Variants in HMBOX1 observed in about 807,000 individuals in gnomAD.
HMBOX1 encodes homeobox containing 1.
HMBOX1 carries 14 observed loss-of-function variants against 54.5 expected under a neutral mutation model. The observed-to-expected ratio is 0.26, with a 90% CI of 0.17 to 0.40. The LOEUF is 0.40. Ranked by LOEUF, HMBOX1 falls within the 10% of genes least tolerant of loss-of-function variation. The pLI is 1.00. For synonymous variants in HMBOX1, 160 were observed against 181.0 expected, an observed-to-expected ratio of 0.88 and a Z score of 0.93; for missense variants, 332 against 514.4, an observed-to-expected ratio of 0.65 and a Z score of 3.43.
At chr8:28,911,408 C>T (rs1286092750) in intron 1 of HMBOX1, among the ~76,000 whole-genome samples, 1 of 152,150 alleles carries the variant, frequency 6.6e-6, no homozygotes. Context: ...TAGGCTGGAG[C>T]GCAGTGGCGC....
chr8:29,039,774 A>C (rs958380191), intron 6 of HMBOX1, among the ~76,000 whole-genome samples: 1 of 152,142 alleles, frequency 6.6e-6, no homozygotes, highest in Non-Finnish European at 1.5e-5. Context: ...AGTTTACATT[A>C]AATTCAGATA....
intron 6 of HMBOX1, among the ~76,000 whole-genome samples, chr8:29,040,200 C>T (rs776320037): frequency 1.9e-4 from 29 of 152,068 alleles, no homozygotes; most frequent in Non-Finnish European, 3.4e-4. Context: ...TATGTTTTGG[C>T]TCCTTTTATT....
intron 1 of HMBOX1, among the ~76,000 whole-genome samples, chr8:28,909,967 C>G (rs1815094808): frequency 6.6e-6 from 1 of 151,886 alleles, no homozygotes; most frequent in South Asian, 2.1e-4. Flanking sequence ...TCAGGTGATT[C>G]TCCTGCCTCA....
At chr8:28,992,414 TC>T (rs1831107963) in intron 4 of HMBOX1, among the ~76,000 whole-genome samples, 1 of 152,336 alleles carries the variant, frequency 6.6e-6, no homozygotes, top group East Asian at 1.9e-4. Context: ...TTCATGTCTC[TC>T]CAGATTGACT....
chr8:28,962,605 C>G (rs1825792936), intron 1 of HMBOX1, among the ~76,000 whole-genome samples: 1 of 152,130 alleles, frequency 6.6e-6, no homozygotes. Flanking sequence ...CTAAATAAAT[C>G]TCATAATTTC....
At chr8:28,935,222 A>C (rs1464692681) in intron 1 of HMBOX1, among the ~76,000 whole-genome samples, 1 of 152,200 alleles carries the variant, frequency 6.6e-6, no homozygotes, top group Non-Finnish European at 1.5e-5. Context: ...GTTGAACCCG[A>C]TCTCAATCAA....
At chr8:29,048,818 G>A in intron 8 of HMBOX1, 136 bp from the exon 9 acceptor site, 1 of 669,404 alleles carries the variant, frequency 1.5e-6, no homozygotes, top group Non-Finnish European at 2.6e-6. Context: ...CAGTCTAAAA[G>A]AAACAAATGT....
chr8:28,981,308 G>A (rs993468506), intron 4 of HMBOX1, among the ~76,000 whole-genome samples: 2 of 152,232 alleles, frequency 1.3e-5, no homozygotes, highest in Admixed American at 6.5e-5. Context: ...GTGTCCTTCG[G>A]TGTAGAAGTC....
chr8:28,928,146 G>C (rs906584760), intron 1 of HMBOX1, among the ~76,000 whole-genome samples: 11 of 150,632 alleles, frequency 7.3e-5, no homozygotes, highest in African/African-American at 2.7e-4. Context: ...AAAAAAAAAA[G>C]AACTACTACT....
At chr8:28,899,686 T>A (rs1053084921) in intron 1 of HMBOX1, among the ~76,000 whole-genome samples, 3 of 152,224 alleles carry the variant, frequency 2.0e-5, no homozygotes, top group African/African-American at 7.2e-5. Flanking sequence ...AGCTTTTTAT[T>A]CCTATGTCAG....
At chr8:28,981,071 A>C (rs1038602711) in intron 4 of HMBOX1, among the ~76,000 whole-genome samples, 2 of 152,166 alleles carry the variant, frequency 1.3e-5, no homozygotes, top group African/African-American at 4.8e-5. Context: ...TAAAGATATT[A>C]TTTCTGTTCT....
chr8:28,941,038 A>G (rs1047019406), intron 1 of HMBOX1, among the ~76,000 whole-genome samples: 3 of 152,164 alleles, frequency 2.0e-5, no homozygotes, highest in Non-Finnish European at 2.9e-5. Context: ...TTATCTTACT[A>G]TTCATTGTTT....
At chr8:29,045,288 C>A in intron 6 of HMBOX1, 73 bp from the exon 7 acceptor site, 2 of 1,127,268 alleles carry the variant, frequency 1.8e-6, no homozygotes, top group South Asian at 1.3e-5. Context: ...ATATATTTTT[C>A]AGTGAGTTAG....
intron 1 of HMBOX1, among the ~76,000 whole-genome samples, chr8:28,960,962 T>A (rs1246277759): frequency 6.6e-6 from 1 of 151,540 alleles, no homozygotes; most frequent in African/African-American, 2.4e-5. Context: ...AATTTTTGTG[T>A]TTTTGGTAGA....
chr8:28,924,347 G>C (rs1818063882), intron 1 of HMBOX1, among the ~76,000 whole-genome samples: 1 of 151,702 alleles, frequency 6.6e-6, no homozygotes, highest in African/African-American at 2.4e-5. Context: ...CTGACCTCGT[G>C]ATCTGCCCCC....
At chr8:29,013,469 A>G (rs1219911799) in intron 5 of HMBOX1, among the ~76,000 whole-genome samples, 3 of 152,168 alleles carry the variant, frequency 2.0e-5, no homozygotes, top group Non-Finnish European at 2.9e-5. Context: ...GTCTGGATCC[A>G]GTTGTATATG....
chr8:29,011,457 C>T (rs1474906049), intron 5 of HMBOX1, among the ~76,000 whole-genome samples: 7 of 152,206 alleles, frequency 4.6e-5, no homozygotes, highest in Non-Finnish European at 5.9e-5. Flanking sequence ...CCTTAGCATT[C>T]GTTGATGATT....
At chr8:29,018,160 G>A (rs1292796773) in intron 5 of HMBOX1, among the ~76,000 whole-genome samples, 3 of 152,188 alleles carry the variant, frequency 2.0e-5, no homozygotes, top group Non-Finnish European at 4.4e-5. Context: ...AGACAATGTT[G>A]CTTTCCTGGT....
At chr8:29,025,861 T>G (rs1051482026) in intron 6 of HMBOX1, among the ~76,000 whole-genome samples, 2 of 152,146 alleles carry the variant, frequency 1.3e-5, no homozygotes, top group African/African-American at 4.8e-5. Context: ...CAAGCAGAAT[T>G]AATACTATAC....
Sources: allele counts gnomAD v4.1 joint callset (sites outside exome capture counted in the v4.1 genomes callset), GRCh38; gene constraint gnomAD v4.1.1; transcripts MANE v1.5; gene names NCBI Gene and HGNC (gene_info 2026-07-23, HGNC 2026-07-21).